Variants in SRC observed in about 807,000 individuals in gnomAD.
SRC encodes SRC proto-oncogene, non-receptor tyrosine kinase, also known as proto-oncogene tyrosine-protein kinase Src.
SRC carries 13 observed loss-of-function variants against 62.9 expected under a neutral mutation model. The ratio of observed to expected loss-of-function variants is 0.21; its 90% CI spans 0.13 to 0.33. SRC has a LOEUF of 0.33. SRC is among the 10% of genes least tolerant of loss of function. The pLI, the probability that SRC is intolerant of heterozygous loss-of-function variation, is 1.00. For synonymous variants in SRC, 302 were observed against 317.5 expected (o/e 0.95, Z 0.52); for missense variants, 457 against 737.3 (o/e 0.62, Z 4.40).
intron 5 of SRC, among the ~76,000 whole-genome samples, chr20:37,391,106 T>C (rs984126230): frequency 2.8e-4 from 42 of 152,180 alleles, no homozygotes; most frequent in African/African-American, 9.7e-4. Flanking sequence ...AGCACAGGCC[T>C]CCTGCCAGCC....
chr20:37,358,949 G>A (rs954719127), intron 1 of SRC, among the ~76,000 whole-genome samples: 20 of 152,380 alleles, frequency 1.3e-4, no homozygotes, highest in African/African-American at 3.6e-4. Context: ...CCTGGCACGC[G>A]CACGGCCCCT....
chr20:37,386,218 G>T, intron 5 of SRC, 44 bp downstream of exon 5: 1 of 1,577,700 alleles, frequency 6.3e-7, no homozygotes, highest in Non-Finnish European at 8.7e-7. Context: ...TGGGTGGTGG[G>T]ACTTCAAAGC....
At chr20:37,361,937 C>T (rs112921870) in intron 1 of SRC, among the ~76,000 whole-genome samples, 7 of 144,504 alleles carry the variant, frequency 4.8e-5, no homozygotes, top group East Asian at 4.0e-4. Context: ...GTAGAGATGC[C>T]GGGGTCTCTG....
Position 37,397,592 on chromosome 20 carries a change from T to C in SRC, c.704-107T>C. On this transcript the variant is annotated intron_variant, in intron 8 of 13. Coordinates refer to ENST00000373578, the MANE Select transcript of SRC (RefSeq NM_198291.3). This position sits in a 1 kb window ranked among gnomAD's most constrained non-coding sequence, Gnocchi z 4.1. ...CCTGGCTTTGAGGGCACCCTGCGTG[T>C]CCCCTGAAATCTGTGTGCATCTGGC... 1 of 1,400,208 alleles carries C rather than the reference T, an allele frequency of 7.1e-7. No homozygotes were observed. The highest frequency in any genetic ancestry group is 1.5e-5 in the South Asian group (1 of 65,508). 86.7% of individuals were successfully genotyped at this position (1,400,208 alleles called of 1,614,324 possible). A position where few individuals can be genotyped will look rare whatever the true frequency, so the allele number is the denominator to read the frequency against.
At position 37,402,526 on chromosome 20, in the gene SRC, G is replaced by A. The variant is rs1339354176; in HGVS notation, c.1208G>A (p.Cys403Tyr). The change falls in exon 12 of 14, where the codon TGC becomes TAC. Residue 403 changes from cysteine to tyrosine, a missense_variant. Physicochemically the swap from Cys to Tyr is radical, Grantham distance 194 (BLOSUM62 -2). This residue lies in a region of SRC where 168 missense variants were observed against 357.8 expected (regional missense o/e 0.47). Coordinates refer to ENST00000373578, the MANE Select transcript of SRC (RefSeq NM_198291.3). This position sits in a 1 kb window ranked among gnomAD's most constrained non-coding sequence, Gnocchi z 6.2. ...ATCCTGGTGGGAGAGAACCTGGTGTGCAAAGTGGCGGACTTTGGGCTGGCT... is the reference window on the plus strand; with the variant it reads ...ATCCTGGTGGGAGAGAACCTGGTGTACAAAGTGGCGGACTTTGGGCTGGCT... ...ANILVGENLV[C>Y]KVADFGLARL... 2 of 1,613,988 alleles carry A rather than the reference G, an allele frequency of 1.2e-6. No homozygotes were observed. Among genetic ancestry groups the A allele is most frequent in the Non-Finnish European group, 1.7e-6 (2 of 1,180,020 alleles).
At position 37,365,371 on chromosome 20, in the gene SRC, C is replaced by T. The variant is rs1274620667; in HGVS notation, c.-173+94C>T. 4 of 137,196 alleles carry T rather than the reference C, an allele frequency of 2.9e-5. No homozygotes were observed. The East Asian group carries it at 8.7e-4, about 30-fold the overall frequency. 8.5% of individuals were successfully genotyped at this position (137,196 alleles called of 1,614,324 possible). A position where few individuals can be genotyped will look rare whatever the true frequency, so the allele number is the denominator to read the frequency against. Reference sequence around the variant, plus strand: ...ACACACACACACACACACACACACACGACAGGGAAAAGTAAGCCTCTCTCA... The same window carrying T: ...ACACACACACACACACACACACACATGACAGGGAAAAGTAAGCCTCTCTCA... On this transcript the variant is annotated intron_variant, in intron 2 of 13. Coordinates refer to ENST00000373578, the MANE Select transcript of SRC (RefSeq NM_198291.3).
At chr20:37,347,607 C>T (rs543694418) in intron 1 of SRC, among the ~76,000 whole-genome samples, 4 of 152,210 alleles carry the variant, frequency 2.6e-5, no homozygotes, top group Non-Finnish European at 5.9e-5. Context: ...ATAGCCCTGG[C>T]ACCGTCCTGC....
At chr20:37,383,107 C>A (rs1486536923) in intron 3 of SRC, among the ~76,000 whole-genome samples, 1 of 152,176 alleles carries the variant, frequency 6.6e-6, no homozygotes, top group Non-Finnish European at 1.5e-5. Context: ...CAAAAGCCCA[C>A]GACAGTAGTC....
intron 2 of SRC, among the ~76,000 whole-genome samples, chr20:37,368,498 A>T (rs538980504): frequency 8.9e-4 from 129 of 144,932 alleles, no homozygotes; most frequent in African/African-American, 3.2e-3. Flanking sequence ...CCAAGGTCAT[A>T]ACATTTATGC....
chr20:37,399,548 CTTT>C (rs112296863), intron 9 of SRC, among the ~76,000 whole-genome samples: 1 of 141,390 alleles, frequency 7.1e-6, no homozygotes, highest in African/African-American at 2.6e-5. Context: ...CTTTTTAGGA[CTTT>C]TTTTTTTTTT....
At position 37,384,088 on chromosome 20, in the gene SRC, G is replaced by C. The variant is rs2070406836; in HGVS notation, c.-4-62G>C. On this transcript the variant is annotated intron_variant, in intron 3 of 13. Transcript: ENST00000373578. This position sits in a 1 kb window ranked among gnomAD's most constrained non-coding sequence, Gnocchi z 6.7. The stretch of plus-strand genomic sequence containing the variant: ...CCCTATCTGTGGAATGGGTGGGAGG[G>C]AGGCCGGCCAAGGGGCCCCGGCAGC... 6.3e-7 allele frequency: 1 copy of C among 1,579,250 alleles called. No individual in the cohort carries two copies. Among genetic ancestry groups the C allele is most frequent in the Non-Finnish European group, 8.6e-7 (1 of 1,168,962 alleles).
At chr20:37,373,917 G>A (rs945669357) in intron 2 of SRC, among the ~76,000 whole-genome samples, 5 of 151,970 alleles carry the variant, frequency 3.3e-5, no homozygotes, top group African/African-American at 1.2e-4. Flanking sequence ...TTACTGTCTG[G>A]TTGGGCTGTT....
At position 37,397,658 on chromosome 20, in the gene SRC, G is replaced by A. The variant is rs2147107078; in HGVS notation, c.704-41G>A. 6.6e-7 allele frequency: 1 copy of A among 1,522,810 alleles called. No homozygotes were observed. Among genetic ancestry groups the A allele is most frequent in the Non-Finnish European group, 8.8e-7 (1 of 1,132,766 alleles). The allele number at this position is 1,522,810 out of a possible 1,614,324, so 94.3% of individuals were successfully genotyped here. ...CACTGAGGGGCAGGGAGGCCCCAGG[G>A]CAGAAGACCCGCCTAACTGCTCCTC... On this transcript the variant is annotated intron_variant, in intron 8 of 13. Coordinates refer to ENST00000373578, the MANE Select transcript of SRC (RefSeq NM_198291.3). This position sits in a 1 kb window ranked among gnomAD's most constrained non-coding sequence, Gnocchi z 4.1.
At chr20:37,391,646 GA>G (rs1486740687) in intron 5 of SRC, among the ~76,000 whole-genome samples, 1 of 152,106 alleles carries the variant, frequency 6.6e-6, no homozygotes, top group Non-Finnish European at 1.5e-5. Context: ...TTGAGGTCAG[GA>G]GTTCGAGACC....
At chr20:37,350,205 G>A (rs780845585) in intron 1 of SRC, among the ~76,000 whole-genome samples, 2 of 152,196 alleles carry the variant, frequency 1.3e-5, no homozygotes, top group Non-Finnish European at 2.9e-5. Flanking sequence ...GCTCCTGGGG[G>A]CCACTTCCTC....
intron 2 of SRC, among the ~76,000 whole-genome samples, chr20:37,368,544 GTTT>G (rs1463098892): frequency 1.4e-5 from 1 of 73,928 alleles, no homozygotes; most frequent in African/African-American, 4.3e-5. Flanking sequence ...TTTTTTTTTT[GTTT>G]TTTTTTTTTT....
At chr20:37,369,666 T>G (rs766820554) in intron 2 of SRC, among the ~76,000 whole-genome samples, 2 of 152,216 alleles carry the variant, frequency 1.3e-5, no homozygotes, top group Non-Finnish European at 2.9e-5. Flanking sequence ...GAAGCTCCAG[T>G]ACAATCTTGA....
At chr20:37,378,583 G>T (rs1180668235) in intron 2 of SRC, among the ~76,000 whole-genome samples, 1 of 152,274 alleles carries the variant, frequency 6.6e-6, no homozygotes, top group East Asian at 1.9e-4. Context: ...CTCTTATCAG[G>T]CCACTCTCAG....
chr20:37,392,077 G>C (rs182728963), intron 5 of SRC, among the ~76,000 whole-genome samples: 2 of 152,166 alleles, frequency 1.3e-5, no homozygotes, highest in African/African-American at 4.8e-5. Context: ...GCATCCAAAG[G>C]CTTCTTTTCT....
Sources: gnomAD v4.1 joint callset for allele counts (sites outside exome capture counted in the v4.1 genomes callset) on GRCh38, gnomAD v4.1.1 for gene constraint, gnomAD v4.1.1 regional missense constraint, Gnocchi (gnomAD v3.1) non-coding constraint, MANE v1.5 for transcripts, NCBI Gene and HGNC (gene_info 2026-07-23, HGNC 2026-07-21) for gene names.